MRPL43: variants seen among roughly 807,000 people sequenced by gnomAD.
The protein encoded by MRPL43 is mitochondrial ribosomal protein L43, also known as large ribosomal subunit protein mL43.
In MRPL43, 9 loss-of-function variants were observed where a neutral mutation model predicts 12.7. The ratio of observed to expected loss-of-function variants is 0.71; its 90% CI spans 0.43 to 1.24. The LOEUF is 1.24. Among genes scored for constraint, MRPL43 ranks in the 50% most tolerant of loss-of-function variants. The pLI is 0.00. For synonymous variants in MRPL43, 116 were observed against 96.4 expected (o/e 1.20, Z -1.19); for missense variants, 211 against 229.2 (o/e 0.92, Z 0.51).
downstream of MRPL43, chr10:100,981,628 T>C (rs796731612): frequency 2.9e-5 from 43 of 1,498,144 alleles, no homozygotes; most frequent in African/African-American, 4.7e-4. Context: ...AATACTTCTA[T>C]GCATGATGTC....
downstream of MRPL43, chr10:100,983,487 G>A (rs1851233038): frequency 6.2e-7 from 1 of 1,614,190 alleles, no homozygotes; most frequent in Non-Finnish European, 8.5e-7. Flanking sequence ...TGCACAGCCT[G>A]AGCACAGTGG....
chr10:100,981,400 C>T, downstream of MRPL43: 1 of 1,612,882 alleles, frequency 6.2e-7, no homozygotes, highest in Non-Finnish European at 8.5e-7. Context: ...ACATTTACTG[C>T]CCAAATGAAT....
At chr10:100,980,135 C>G, downstream of MRPL43, 1 of 1,614,248 alleles carries the variant, frequency 6.2e-7, no homozygotes, top group Non-Finnish European at 8.5e-7. Flanking sequence ...ATCACAGATT[C>G]ATTGCGCAGC....
chr10:100,980,882 C>T (rs780182850), downstream of MRPL43: 16 of 1,610,204 alleles, frequency 9.9e-6, no homozygotes, highest in South Asian at 1.1e-4. Context: ...CAGCTGCTCC[C>T]GCTACCGATC....
chr10:100,977,820 T>G, downstream of MRPL43: 1 of 1,137,540 alleles, frequency 8.8e-7, no homozygotes, highest in Non-Finnish European at 1.3e-6. Flanking sequence ...TCAGAGCCAG[T>G]GAAGGAGACG....
downstream of MRPL43, chr10:100,977,846 G>C: frequency 1.1e-6 from 1 of 888,154 alleles, no homozygotes; most frequent in South Asian, 1.4e-5. Flanking sequence ...TTTATTAAGG[G>C]GACTTCCATA....
At chr10:100,984,656 C>A, downstream of MRPL43, 1 of 1,536,244 alleles carries the variant, frequency 6.5e-7, no homozygotes, top group East Asian at 2.4e-5. Context: ...AGTGCCCCCA[C>A]CCTCACCTTC....
At chr10:100,978,448 T>C, downstream of MRPL43, 2 of 1,596,996 alleles carry the variant, frequency 1.3e-6, no homozygotes. Context: ...ATCTCATCTC[T>C]AGGACCTGCC....
At chr10:100,977,988 A>G (rs1477718525), downstream of MRPL43, 3 of 570,706 alleles carry the variant, frequency 5.3e-6, no homozygotes, top group African/African-American at 1.9e-5. Flanking sequence ...ATTTAACCCA[A>G]AACAAAGGGC....
chr10:100,980,820 A>C (rs1209768877), downstream of MRPL43: 1 of 1,565,816 alleles, frequency 6.4e-7, no homozygotes. Flanking sequence ...TCTGGCTCCC[A>C]GCACAGCCTC....
chr10:100,981,096 A>T, downstream of MRPL43: 1 of 1,608,152 alleles, frequency 6.2e-7, no homozygotes. Context: ...TTAGTAACAG[A>T]CCTATCTACC....
downstream of MRPL43, chr10:100,984,582 C>T (rs977649336): frequency 1.3e-6 from 2 of 1,536,082 alleles, no homozygotes; most frequent in African/African-American, 2.7e-5. Context: ...AGACCTCTGC[C>T]AGCCACCTAA....
downstream of MRPL43, chr10:100,984,687 A>T (rs748317224): frequency 1.3e-6 from 2 of 1,536,004 alleles, no homozygotes; most frequent in Non-Finnish European, 1.7e-6. Flanking sequence ...TTCTTGTTTC[A>T]TCCCTGCTTC....
At chr10:100,987,007 C>A in intron 2 of MRPL43, 32 bp from the exon 3 acceptor site, 4 of 1,605,008 alleles carry the variant, frequency 2.5e-6, no homozygotes, top group Non-Finnish European at 3.4e-6. Flanking sequence ...TGGGTGGAAG[C>A]TGGCCGGTGC....
downstream of MRPL43, chr10:100,978,269 C>T (rs916166910): frequency 1.9e-6 from 3 of 1,578,070 alleles, no homozygotes; most frequent in African/African-American, 2.7e-5. Flanking sequence ...TTCGGAACCA[C>T]TTACTGCTGG....
At chr10:100,982,805 A>T (rs7098461), downstream of MRPL43, among the ~76,000 whole-genome samples, 677 of 152,324 alleles carry the variant, frequency 4.4e-3, 7 homozygotes, top group African/African-American at 0.016. Flanking sequence ...AAAACAAAAC[A>T]AAACAAAAAG....
downstream of MRPL43, chr10:100,981,515 C>T: frequency 6.2e-7 from 1 of 1,614,096 alleles, no homozygotes; most frequent in Non-Finnish European, 8.5e-7. Flanking sequence ...GGTATTTCCC[C>T]AAGGAAGATC....
chr10:100,980,811 C>T, downstream of MRPL43: 1 of 1,565,176 alleles, frequency 6.4e-7, no homozygotes, highest in African/African-American at 1.4e-5. Context: ...ACTGTCCTAT[C>T]TGGCTCCCAG....
downstream of MRPL43, chr10:100,978,650 A>G: frequency 6.2e-7 from 1 of 1,610,382 alleles, no homozygotes; most frequent in African/African-American, 1.3e-5. Flanking sequence ...GGTTAGGAGG[A>G]TGAGGCACAG....
Sources: allele counts gnomAD v4.1 joint callset (sites outside exome capture counted in the v4.1 genomes callset), GRCh38; gene constraint gnomAD v4.1.1; transcripts MANE v1.5; gene names NCBI Gene and HGNC (gene_info 2026-07-23, HGNC 2026-07-21).